Variants in KDM6B observed in about 807,000 individuals in gnomAD.
KDM6B encodes lysine-specific demethylase 6B.
A neutral mutation model predicts 150.4 loss-of-function variants in KDM6B; 22 were observed. That is an observed-to-expected ratio of 0.15 (90% CI 0.10 to 0.21). The LOEUF (loss-of-function observed/expected upper bound fraction) is 0.21, where lower values mean the gene tolerates loss of function less well. Among genes scored for constraint, KDM6B ranks in the 10% least tolerant of loss-of-function variants. The pLI, the probability that KDM6B is intolerant of heterozygous loss-of-function variation, is 1.00. For missense variants in KDM6B, 1,984 were observed against 2,234.3 expected, an observed-to-expected ratio of 0.89 and a Z score of 2.26; for synonymous variants, 1,148 against 921.1, an observed-to-expected ratio of 1.25 and a Z score of -4.46.
At position 7,847,735 on chromosome 17, in the gene KDM6B, C is replaced by T. The variant is rs779693547; in HGVS notation, c.1447C>T (p.Pro483Ser). 5.8e-6 allele frequency: 9 copies of T among 1,544,900 alleles called. No individual in the cohort carries two copies. The highest frequency in any genetic ancestry group is 2.0e-5 in the Admixed American group (1 of 50,886). The change falls in exon 12 of 24, where the codon CCT (proline) becomes TCT (serine). Residue 483 changes from proline to serine, a missense_variant. Pro to Ser is a moderately conservative substitution (Grantham distance 74). Around this residue, in one of 13 missense-constraint regions of KDM6B, gnomAD observed 1,379 missense variants for 1,275.6 expected, o/e 1.08. Coordinates refer to ENST00000448097, the MANE Select transcript of KDM6B (RefSeq NM_001348716.2). Reference protein sequence around the residue: ...CPRLLRPPPPPAWLKGPACRA... With the variant: ...CPRLLRPPPPSAWLKGPACRA... ...CCGCCTCTTACGCCCCCCACCACCC[C>T]CTGCCTGGTTGAAGGGTCCGGCCTG... is the stretch of plus-strand genomic sequence containing the variant.
intron 8 of KDM6B, 36 bp from the exon 9 acceptor site, chr17:7,846,543 C>T (rs923069173): frequency 1.2e-5 from 19 of 1,613,914 alleles, no homozygotes; most frequent in Non-Finnish European, 1.4e-5. Context: ...TGTGCCTGCA[C>T]CCGTGCCATT....
rs1597862899 is a variant in KDM6B at position 7,853,758 on chromosome 17, G to C, written c.*237G>C. ...CGGGGGAGGGGGCTGGCAGCCCCTCGCCCACCAGCGCCTCCCCTCACCGAC... is the reference window on the plus strand; with the variant it reads ...CGGGGGAGGGGGCTGGCAGCCCCTCCCCCACCAGCGCCTCCCCTCACCGAC... On this transcript the variant is annotated 3_prime_UTR_variant, in exon 24 of 24. Coordinates refer to ENST00000448097, the MANE Select transcript of KDM6B (RefSeq NM_001348716.2). 2 of 308,836 alleles carry C rather than the reference G, an allele frequency of 6.5e-6. No homozygotes were observed. The highest frequency in any genetic ancestry group is 1.1e-4 in the East Asian group (2 of 18,110). The allele number at this position is 308,836 out of a possible 1,614,324, so 19.1% of individuals were successfully genotyped here. A position where few individuals can be genotyped will look rare whatever the true frequency, so the allele number is the denominator to read the frequency against.
intron 21 of KDM6B, 105 bp from the exon 22 acceptor site, chr17:7,852,895 C>A: frequency 6.6e-7 from 1 of 1,508,284 alleles, no homozygotes; most frequent in Non-Finnish European, 9.2e-7. Context: ...GCGGGGAGGC[C>A]CCTAGGGGAG....
Position 7,853,390 on chromosome 17 carries a change from C to G in KDM6B, c.4908+10C>G, listed in dbSNP as rs111629602. On this transcript the variant is annotated intron_variant, in intron 23 of 23. Transcript: ENST00000448097. The stretch of plus-strand genomic sequence containing the variant: ...CGACGCCTTCACGCTGGTGAGGGCC[C>G]GGCGGGCGCGCGGGCAGCGGAGGAG... The G allele has an allele frequency of 6.5e-7, 1 of 1,539,702 alleles. No individual in the cohort carries two copies. The highest frequency in any genetic ancestry group is 8.7e-7 in the Non-Finnish European group (1 of 1,147,478).
Position 7,843,072 on chromosome 17 carries a change from G to A in KDM6B, c.-268-1829G>A, listed in dbSNP as rs2078450799. Among the ~76,000 whole-genome samples, 1 of 152,128 alleles carries A rather than the reference G, an allele frequency of 6.6e-6. No individual in the cohort carries two copies. The highest frequency in any genetic ancestry group is 2.1e-4 in the South Asian group (1 of 4,834). On this transcript the variant is annotated intron_variant, in intron 2 of 23. Coordinates refer to ENST00000448097, the MANE Select transcript of KDM6B (RefSeq NM_001348716.2). The surrounding 1 kb of genome is among the most constrained non-coding windows in gnomAD (Gnocchi z 4.5). ...GGAGGGACGGCACTCACTGACTTAGGGAAAGCTGAGTCAGTTCCCCGTGGG... is the reference window on the plus strand; with the variant it reads ...GGAGGGACGGCACTCACTGACTTAGAGAAAGCTGAGTCAGTTCCCCGTGGG...
chr17:7,835,088 G>C (rs529750459), intron 1 of KDM6B, among the ~76,000 whole-genome samples: 2 of 152,002 alleles, frequency 1.3e-5, no homozygotes, highest in Admixed American at 1.3e-4. Flanking sequence ...CCCCGCCCCG[G>C]TCCGAGGGAA....
chr17:7,838,969 C>CT (rs2078375332), intron 1 of KDM6B, among the ~76,000 whole-genome samples: 1 of 151,990 alleles, frequency 6.6e-6, no homozygotes, highest in South Asian at 2.1e-4. Context: ...AGACTGGGGG[C>CT]TAGAGGCCTG....
chr17:7,838,808 C>G (rs1403862394), intron 1 of KDM6B, among the ~76,000 whole-genome samples: 2 of 152,020 alleles, frequency 1.3e-5, no homozygotes, highest in Non-Finnish European at 1.5e-5. Flanking sequence ...GCTCCCTTCC[C>G]GAGCAGAAGG....
rs111926373 is a variant in KDM6B at position 7,834,335 on chromosome 17, C to T, written c.-403C>T. 2.7e-5 allele frequency among the ~76,000 whole-genome samples: 4 copies of T among 150,818 alleles called. No homozygotes were observed. The highest frequency in any genetic ancestry group is 1.3e-4 in the Admixed American group (2 of 15,166). ...CCTTGGGGAGCCTGAACACCTGGGA[C>T]CCCCCCCAGAACCAGGTAACGGGGA... On this transcript the variant is annotated 5_prime_UTR_variant, in exon 1 of 24. Transcript: ENST00000448097.
Position 7,849,003 on chromosome 17 carries a change from C to T in KDM6B, c.2715C>T (p.Pro905=), listed in dbSNP as rs1019826195. The change falls in exon 12 of 24, where the codon CCC becomes CCT. Residue 905 remains proline, a synonymous_variant. Transcript: ENST00000448097. The part of the protein sequence containing the change: ...PTQPPPPLSL[P]PARSESEVLE... ...AACCGCCCCCACCCCTATCTCTGCC[C>T]CCTGCTCGCTCTGAGTCTGAGGTGC... is the stretch of plus-strand genomic sequence containing the variant. 11 of 1,595,334 alleles carry T rather than the reference C, an allele frequency of 6.9e-6. No individual in the cohort carries two copies. The highest frequency in any genetic ancestry group is 9.4e-6 in the Non-Finnish European group (11 of 1,169,554).
intron 7 of KDM6B, 29 bp from the exon 8 acceptor site, chr17:7,846,371 G>GGGGGGGGGCCGGGGGGGCCCCCCC: frequency 6.7e-7 from 1 of 1,488,926 alleles, no homozygotes; most frequent in Non-Finnish European, 9.2e-7. Context: ...CCTGACATCT[G>GGGGGGGGGCCGGGGGGGCCCCCCC]CCCCTGCCCC....
intron 1 of KDM6B, among the ~76,000 whole-genome samples, chr17:7,839,259 AGGAAGGAGGTGATG>A (rs1173922330): frequency 1.3e-5 from 2 of 152,098 alleles, no homozygotes; most frequent in African/African-American, 4.8e-5. Context: ...GCCACATAAG[AGGAAGGAGGTGATG>A]GGGAAACAGG....
chr17:7,844,045 C>T lies in KDM6B; in HGVS notation c.-268-856C>T, dbSNP rs1214331941. Among the ~76,000 whole-genome samples the T allele has an allele frequency of 7.2e-6, 1 of 138,344 alleles. No individual in the cohort carries two copies. Among genetic ancestry groups the T allele is most frequent in the Non-Finnish European group, 1.6e-5 (1 of 64,032 alleles). The allele number at this position is 138,344 out of a possible 152,430, so 90.8% of individuals were successfully genotyped here. On this transcript the variant is annotated intron_variant, in intron 2 of 23. Coordinates refer to ENST00000448097, the MANE Select transcript of KDM6B (RefSeq NM_001348716.2). This position sits in a 1 kb window ranked among gnomAD's most constrained non-coding sequence, Gnocchi z 5.9. ...ACTGCCTGTCGGGCCCCGCCCTCCT[C>T]CCTCCCTCAGGACCCCCCCCCCCGC...
At chr17:7,850,443 T>C (rs2078668181) in intron 14 of KDM6B, among the ~76,000 whole-genome samples, 1 of 152,228 alleles carries the variant, frequency 6.6e-6, no homozygotes, top group East Asian at 1.9e-4. Context: ...AGAAAACCCC[T>C]GAAAATCTGT....
chr17:7,851,399 T>C lies in KDM6B; in HGVS notation c.3944+5T>C. 2 of 1,614,188 alleles carry C rather than the reference T, an allele frequency of 1.2e-6. No homozygotes were observed. The highest frequency in any genetic ancestry group is 1.7e-6 in the Non-Finnish European group (2 of 1,180,014). The stretch of plus-strand genomic sequence containing the variant: ...CACCACTGGAACCCCTCCTAGGTAC[T>C]GTGCAGGTGTGCCCCTTCTGTTCCT... On this transcript the variant is annotated splice_donor_5th_base_variant and intron_variant, in intron 16 of 23. Coordinates refer to ENST00000448097, the MANE Select transcript of KDM6B (RefSeq NM_001348716.2).
At chr17:7,846,370 T>TGGCGCGG in intron 7 of KDM6B, 30 bp from the exon 8 acceptor site, 2 of 1,501,942 alleles carry the variant, frequency 1.3e-6, no homozygotes, top group South Asian at 1.2e-5. Context: ...ACCTGACATC[T>TGGCGCGG]GCCCCTGCCC....
At chr17:7,853,469 C>A in intron 23 of KDM6B, 29 bp from the exon 24 acceptor site, 1 of 1,507,798 alleles carries the variant, frequency 6.6e-7, no homozygotes, top group Middle Eastern at 2.3e-4. Flanking sequence ...GCGCCTTTCC[C>A]TGAGCCCCCG....
At position 7,843,493 on chromosome 17, in the gene KDM6B, A is replaced by G. The variant is rs563463745; in HGVS notation, c.-268-1408A>G. Reference sequence around the variant, plus strand: ...GTAGGGTCCAAGCGCTTCCATGCAAACAAACGACCTTGCCCCTTCGGGAAG... The same window carrying G: ...GTAGGGTCCAAGCGCTTCCATGCAAGCAAACGACCTTGCCCCTTCGGGAAG... On this transcript the variant is annotated intron_variant, in intron 2 of 23. Coordinates refer to ENST00000448097, the MANE Select transcript of KDM6B (RefSeq NM_001348716.2). The surrounding 1 kb of genome is among the most constrained non-coding windows in gnomAD (Gnocchi z 4.5). Among the ~76,000 whole-genome samples, 3 of 152,310 alleles carry G rather than the reference A, an allele frequency of 2.0e-5. No homozygotes were observed. The East Asian group carries it at 5.8e-4, about 29-fold the overall frequency.
In KDM6B at chr17:7,851,354, G is replaced by A. The variant is rs2078689956; in HGVS notation, c.3904G>A (p.Glu1302Lys). The change falls in exon 16 of 24, where the codon GAG becomes AAG. Residue 1302 changes from glutamate (E) to lysine (K), a missense_variant. Physicochemically the swap from Glu to Lys is moderately conservative, Grantham distance 56. Coordinates refer to ENST00000448097, the MANE Select transcript of KDM6B (RefSeq NM_001348716.2). The part of the protein sequence containing the change: ...LQEEKESEDE[E>K]SEEPDSTTGT... ...GGAGGAGAAGGAGAGTGAGGATGAGGAGTCAGAGGAGCCAGACAGCACCAC... is the reference window on the plus strand; with the variant it reads ...GGAGGAGAAGGAGAGTGAGGATGAGAAGTCAGAGGAGCCAGACAGCACCAC... The A allele has an allele frequency of 6.2e-7, 1 of 1,614,020 alleles. No homozygotes were observed. The highest frequency in any genetic ancestry group is 8.5e-7 in the Non-Finnish European group (1 of 1,180,022).
Sources: allele counts gnomAD v4.1 joint callset (sites outside exome capture counted in the v4.1 genomes callset), GRCh38; gene constraint gnomAD v4.1.1; regional missense constraint gnomAD v4.1.1; non-coding constraint Gnocchi (gnomAD v3.1); transcripts MANE v1.5; gene names NCBI Gene and HGNC (gene_info 2026-07-23, HGNC 2026-07-21).